Variants in LDLRAD4 observed in about 807,000 individuals in gnomAD.
LDLRAD4 encodes the protein low density lipoprotein receptor class A domain containing 4.
LDLRAD4 carries 5 observed loss-of-function variants against 17.0 expected under a neutral mutation model. The ratio of observed to expected loss-of-function variants is 0.29; its 90% confidence interval spans 0.15 to 0.62. LDLRAD4 has a LOEUF of 0.62. Ranked by LOEUF, LDLRAD4 falls within the 20% of genes least tolerant of loss-of-function variation. LDLRAD4 has a pLI of 0.84. For synonymous variants in LDLRAD4, 168 were observed against 171.8 expected (o/e 0.98, Z 0.17); for missense variants, 340 against 424.7 (o/e 0.80, Z 1.75).
At chr18:13,457,174 G>T (rs1319417816) in intron 3 of LDLRAD4, among the ~76,000 whole-genome samples, 1 of 152,238 alleles carries the variant, frequency 6.6e-6, no homozygotes, top group Non-Finnish European at 1.5e-5. Context: ...TGACCGACTG[G>T]CTTCAGGTTG....
At chr18:13,222,263 A>T (rs1374863514) in intron 1 of LDLRAD4, among the ~76,000 whole-genome samples, 1 of 151,716 alleles carries the variant, frequency 6.6e-6, no homozygotes, top group Non-Finnish European at 1.5e-5. Context: ...GATCCTGCTG[A>T]GGGATCATTT....
intron 3 of LDLRAD4, chr18:13,514,973 C>T (rs964228881): frequency 1.2e-5 from 1 of 81,340 alleles, no homozygotes; most frequent in African/African-American, 3.8e-5. Flanking sequence ...TGCCCACCCC[C>T]ACCCCCACAT....
intron 1 of LDLRAD4, among the ~76,000 whole-genome samples, chr18:13,365,975 A>G (rs182542619): frequency 4.5e-4 from 68 of 152,276 alleles, no homozygotes; most frequent in Admixed American, 6.5e-4. Flanking sequence ...GGGTTTCACC[A>G]TGTTGGCTAG....
chr18:13,495,529 C>A (rs1340005810), intron 3 of LDLRAD4, among the ~76,000 whole-genome samples: 10 of 152,174 alleles, frequency 6.6e-5, no homozygotes, highest in Non-Finnish European at 1.5e-4. Context: ...AGGCATATTT[C>A]CCCCATTCCT....
chr18:13,303,929 G>T (rs1225563381), intron 1 of LDLRAD4, among the ~76,000 whole-genome samples: 7 of 152,216 alleles, frequency 4.6e-5, no homozygotes, highest in African/African-American at 1.7e-4. Context: ...AAAGGCCCAC[G>T]AGTCATCTGC....
chr18:13,387,822 C>A, intron 2 of LDLRAD4, 60 bp downstream of exon 3: 3 of 1,446,476 alleles, frequency 2.1e-6, no homozygotes, highest in Non-Finnish European at 2.9e-6. Context: ...AATAAACTCC[C>A]AAACCACTGC....
intron 3 of LDLRAD4, among the ~76,000 whole-genome samples, chr18:13,572,755 G>C (rs1326714893): frequency 2.0e-5 from 3 of 152,350 alleles, no homozygotes; most frequent in East Asian, 1.9e-4. Flanking sequence ...GAGGTAGCTT[G>C]TTGACCCCTC....
chr18:13,552,368 CT>C (rs1486631798), intron 3 of LDLRAD4, among the ~76,000 whole-genome samples: 1 of 152,232 alleles, frequency 6.6e-6, no homozygotes, highest in Non-Finnish European at 1.5e-5. Context: ...CATGTCACTT[CT>C]TTCAAGGCAC....
chr18:13,229,098 C>T lies in LDLRAD4; in HGVS notation c.-467+10110C>T, dbSNP rs757920186. ...TGCCATCTGCATGGAGGAAGCTGTCCCCATTGGACCCACCGAGGAGGCAGC... is the reference window on the plus strand; with the variant it reads ...TGCCATCTGCATGGAGGAAGCTGTCTCCATTGGACCCACCGAGGAGGCAGC... On this transcript the variant is annotated intron_variant, in intron 1 of 5. Transcript: ENST00000399848. Among the ~76,000 whole-genome samples, 9 of 152,170 alleles carry T rather than the reference C, an allele frequency of 5.9e-5. No homozygotes were observed. In the South Asian group the frequency reaches 1.2e-3, roughly 21 times the overall value.
At chr18:13,286,207 G>C (rs1443369301) in intron 1 of LDLRAD4, among the ~76,000 whole-genome samples, 1 of 152,188 alleles carries the variant, frequency 6.6e-6, no homozygotes, top group African/African-American at 2.4e-5. Flanking sequence ...TTTGTGTCTA[G>C]TGTATTTCAC....
chr18:13,355,121 C>T (rs1194274923), intron 1 of LDLRAD4, among the ~76,000 whole-genome samples: 3 of 152,264 alleles, frequency 2.0e-5, no homozygotes, highest in African/African-American at 7.2e-5. Flanking sequence ...CCTGGTACAG[C>T]ATTGCAGAGG....
chr18:13,229,946 T>G (rs2041990845), intron 1 of LDLRAD4, among the ~76,000 whole-genome samples: 1 of 152,210 alleles, frequency 6.6e-6, no homozygotes, highest in African/African-American at 2.4e-5. Context: ...CAAGGGAGAC[T>G]TCATGGAGGA....
chr18:13,585,249 A>G (rs2094918287), intron 3 of LDLRAD4: 2 of 152,242 alleles, frequency 1.3e-5, no homozygotes, highest in Non-Finnish European at 2.9e-5. Context: ...CTCATTTCTA[A>G]TGCATCAGGA....
chr18:13,243,537 C>G (rs2145714071), intron 1 of LDLRAD4, among the ~76,000 whole-genome samples: 1 of 151,582 alleles, frequency 6.6e-6, no homozygotes, highest in South Asian at 2.1e-4. Flanking sequence ...ATCCATCCAT[C>G]CACTCATTCA....
At chr18:13,590,985 GAAGTATGAATTAA>G (rs1183656969) in intron 3 of LDLRAD4, among the ~76,000 whole-genome samples, 1 of 152,172 alleles carries the variant, frequency 6.6e-6, no homozygotes, top group African/African-American at 2.4e-5. Flanking sequence ...GATTTTTCTT[GAAGTATGAATTAA>G]AAGGAGCAGG....
intron 4 of LDLRAD4, among the ~76,000 whole-genome samples, chr18:13,637,388 T>G (rs1423062531): frequency 6.6e-6 from 1 of 152,120 alleles, no homozygotes; most frequent in Non-Finnish European, 1.5e-5. Flanking sequence ...AAGGAGACTC[T>G]TGGTTAATGC....
chr18:13,293,732 G>T (rs192598187), intron 1 of LDLRAD4, among the ~76,000 whole-genome samples: 1 of 152,204 alleles, frequency 6.6e-6, no homozygotes, highest in Non-Finnish European at 1.5e-5. Flanking sequence ...CCGTGTTTCC[G>T]CATTGCATGT....
intron 1 of LDLRAD4, among the ~76,000 whole-genome samples, chr18:13,282,039 CA>C (rs2045314737): frequency 6.6e-6 from 1 of 152,140 alleles, no homozygotes; most frequent in Non-Finnish European, 1.5e-5. Context: ...GAGGAAGAAG[CA>C]AAAGCGGAAA....
At chr18:13,266,655 C>A (rs1260560163) in intron 1 of LDLRAD4, among the ~76,000 whole-genome samples, 1 of 152,290 alleles carries the variant, frequency 6.6e-6, no homozygotes, top group Non-Finnish European at 1.5e-5. Context: ...CCTCCACGCT[C>A]AGGCGCTGCC....
Sources: allele counts gnomAD v4.1 joint callset (sites outside exome capture counted in the v4.1 genomes callset), GRCh38; gene constraint gnomAD v4.1.1; transcripts MANE v1.5; gene names NCBI Gene and HGNC (gene_info 2026-07-23, HGNC 2026-07-21).